PTCHD4: variants seen among roughly 807,000 people sequenced by gnomAD.
The protein encoded by PTCHD4 is patched domain-containing protein 4.
A neutral mutation model predicts 58.1 loss-of-function variants in PTCHD4; 33 were observed. The observed-to-expected ratio is 0.57, with a 90% confidence interval of 0.43 to 0.76. PTCHD4 has a LOEUF of 0.76. Among genes scored for constraint, PTCHD4 ranks in the 30% least tolerant of loss-of-function variants. The pLI is 0.00. For missense variants in PTCHD4, 1,058 were observed against 1,027.1 expected (o/e 1.03, Z -0.41); for synonymous variants, 478 against 409.6 (o/e 1.17, Z -2.02).
At position 48,089,572 on chromosome 6, in the gene PTCHD4, GT is replaced by G. The variant is rs367592485; in HGVS notation, c.-969-19647del. Among the ~76,000 whole-genome samples the G allele has an allele frequency of 3.3e-5, 5 of 152,246 alleles. No individual in the cohort carries two copies. In the East Asian group the frequency reaches 5.8e-4, roughly 18 times the overall value. The stretch of plus-strand genomic sequence containing the variant: ...TTTGAAAACTAATGTATAGATTATT[GT>G]TTTAATTTTAACCTTTATTGACCCG... On this transcript the variant is annotated intron_variant, in intron 1 of 4. Transcript: ENST00000339488.
chr6:47,884,090 G>A (rs1764106709), intron 4 of PTCHD4, among the ~76,000 whole-genome samples: 1 of 150,010 alleles, frequency 6.7e-6, no homozygotes, highest in Non-Finnish European at 1.5e-5. Context: ...GCTTATGTAT[G>A]TATGTGTGTG....
chr6:47,894,039 A>G (rs1764457411), intron 4 of PTCHD4, among the ~76,000 whole-genome samples: 1 of 152,234 alleles, frequency 6.6e-6, no homozygotes, highest in South Asian at 2.1e-4. Context: ...CAAACCATTC[A>G]CACTCAGGAG....
intron 4 of PTCHD4, among the ~76,000 whole-genome samples, chr6:47,962,985 C>T (rs987032488): frequency 3.3e-5 from 5 of 151,874 alleles, no homozygotes; most frequent in African/African-American, 9.7e-5. Context: ...CACGGTGAAA[C>T]TGCACCTCTC....
At chr6:47,916,360 A>T (rs899069153) in intron 4 of PTCHD4, among the ~76,000 whole-genome samples, 3 of 151,962 alleles carry the variant, frequency 2.0e-5, no homozygotes, top group African/African-American at 7.3e-5. Flanking sequence ...GGTACTGCTG[A>T]CCCTCTTTGA....
chr6:48,033,429 A>G (rs979005110), intron 3 of PTCHD4, among the ~76,000 whole-genome samples: 1 of 151,294 alleles, frequency 6.6e-6, no homozygotes, highest in Admixed American at 6.6e-5. Context: ...ATCTGCCTCC[A>G]TCCAAGTTCA....
intron 4 of PTCHD4, among the ~76,000 whole-genome samples, chr6:47,909,215 A>T (rs1016956695): frequency 6.6e-6 from 1 of 152,166 alleles, no homozygotes; most frequent in South Asian, 2.1e-4. Context: ...TACCAGAGAG[A>T]ATACACATCA....
At chr6:48,007,931 C>T (rs563713871) in intron 4 of PTCHD4, among the ~76,000 whole-genome samples, 380 of 36,744 alleles carry the variant, frequency 0.01, 3 homozygotes, top group African/African-American at 0.045. Flanking sequence ...AATATGTGCG[C>T]GCGCGCACAC....
In PTCHD4 at chr6:47,871,223, T is replaced by C. The variant is rs150935222; in HGVS notation, c.*7080A>G. 3.8e-4 allele frequency among the ~76,000 whole-genome samples: 58 copies of C among 151,750 alleles called. No individual in the cohort carries two copies. The highest frequency in any genetic ancestry group is 1.4e-3 in the African/African-American group (57 of 41,498). On this transcript the variant is annotated 3_prime_UTR_variant, in exon 5 of 5. Transcript: ENST00000339488. Reference sequence around the variant, plus strand: ...ATGTTTCCGTAAGTGACTTGTGTTTTAAAAACCCCGATTTAGCAGAAAATA... The same window carrying C: ...ATGTTTCCGTAAGTGACTTGTGTTTCAAAAACCCCGATTTAGCAGAAAATA...
At chr6:48,029,185 T>C (rs72869933) in intron 3 of PTCHD4, among the ~76,000 whole-genome samples, 112 of 152,254 alleles carry the variant, frequency 7.4e-4, no homozygotes, top group Non-Finnish European at 1.4e-3. Flanking sequence ...CATCAGATTC[T>C]TAACCTGAAC....
rs922133449 is a variant in PTCHD4 at position 47,859,089 on chromosome 6, G to A, written c.*19214C>T. On this transcript the variant is annotated 3_prime_UTR_variant, in exon 5 of 5. Transcript: ENST00000339488. ...GCATCAGATAATATATTTTATTCAC[G>A]CTTATGTCAGGGTAACTTTGTGTAT... Among the ~76,000 whole-genome samples the A allele has an allele frequency of 2.0e-5, 3 of 151,934 alleles. No individual in the cohort carries two copies. The highest frequency in any genetic ancestry group is 2.1e-4 in the South Asian group (1 of 4,824).
Position 48,099,225 on chromosome 6 carries a change from C to T in PTCHD4, c.-970+11824G>A, listed in dbSNP as rs117447691. Among the ~76,000 whole-genome samples the T allele has an allele frequency of 6.6e-5, 10 of 152,312 alleles. No homozygotes were observed. The East Asian group carries it at 1.5e-3, about 24-fold the overall frequency. ...TCCAAATAGTGGTCGCCAGCCTGCACAATTCCAGCCCTTAAAGGGATACCT... is the reference window on the plus strand; with the variant it reads ...TCCAAATAGTGGTCGCCAGCCTGCATAATTCCAGCCCTTAAAGGGATACCT... On this transcript the variant is annotated intron_variant, in intron 1 of 4. Coordinates refer to ENST00000339488, the MANE Select transcript of PTCHD4 (RefSeq NM_001384253.1).
chr6:47,929,744 G>T (rs1469765838), intron 4 of PTCHD4, among the ~76,000 whole-genome samples: 1 of 152,218 alleles, frequency 6.6e-6, no homozygotes, highest in African/African-American at 2.4e-5. Context: ...TCCACTGAGT[G>T]TGCAAAGTCT....
chr6:48,094,679 G>T (rs187042923), intron 1 of PTCHD4, among the ~76,000 whole-genome samples: 8 of 152,290 alleles, frequency 5.3e-5, no homozygotes, highest in African/African-American at 1.7e-4. Flanking sequence ...TACAATGAAA[G>T]AAATGTGACT....
rs1764180688 is a variant in PTCHD4, at chr6:47,886,025, C to T, written c.899-6089G>A. Reference sequence around the variant, plus strand: ...GTAGAGATGGGTTTTGCCACATTGGCCAGGCTGGTCTCAAACTCCCGACCT... The same window carrying T: ...GTAGAGATGGGTTTTGCCACATTGGTCAGGCTGGTCTCAAACTCCCGACCT... On this transcript the variant is annotated intron_variant, in intron 4 of 4. Coordinates refer to ENST00000339488, the MANE Select transcript of PTCHD4 (RefSeq NM_001384253.1). Among the ~76,000 whole-genome samples, 4 of 152,146 alleles carry T rather than the reference C, an allele frequency of 2.6e-5. 1 individual carries two copies. In the South Asian group the frequency reaches 8.3e-4, roughly 32 times the overall value.
At chr6:47,976,446 A>C (rs1767692350) in intron 4 of PTCHD4, among the ~76,000 whole-genome samples, 1 of 152,090 alleles carries the variant, frequency 6.6e-6, no homozygotes, top group South Asian at 2.1e-4. Flanking sequence ...TGAGGTCAGG[A>C]GTTCCAGACC....
In PTCHD4 at chr6:47,871,754, G is replaced by A. The variant is rs1241028019; in HGVS notation, c.*6549C>T. Among the ~76,000 whole-genome samples, 1 of 151,624 alleles carries A rather than the reference G, an allele frequency of 6.6e-6. No homozygotes were observed. The highest frequency in any genetic ancestry group is 2.4e-5 in the African/African-American group (1 of 41,376). On this transcript the variant is annotated 3_prime_UTR_variant, in exon 5 of 5. Transcript: ENST00000339488. ...AAATACCCTTATGAGGTAGCTTGGA[G>A]AGATCTCTGCCCTTTTCAATCTGTG... is the stretch of plus-strand genomic sequence containing the variant.
chr6:47,956,600 A>AT (rs751376736), intron 4 of PTCHD4, among the ~76,000 whole-genome samples: 20 of 151,858 alleles, frequency 1.3e-4, no homozygotes, highest in Non-Finnish European at 2.8e-4. Flanking sequence ...CGCCCGGCTA[A>AT]TTTTTTGTAT....
rs117839114 is a variant in PTCHD4, at chr6:48,057,312, A to G, written c.417+10918T>C. ...CCAGAGCTTGGACAAATCATAGGAT[A>G]TCAGACTGACTGGAATGGGCTTTGG... On this transcript the variant is annotated intron_variant, in intron 3 of 4. Coordinates refer to ENST00000339488, the MANE Select transcript of PTCHD4 (RefSeq NM_001384253.1). 7.9e-5 allele frequency among the ~76,000 whole-genome samples: 12 copies of G among 152,262 alleles called. No homozygotes were observed. The East Asian group carries it at 2.3e-3, about 29-fold the overall frequency.
chr6:47,965,717 A>G (rs1767259752), intron 4 of PTCHD4, among the ~76,000 whole-genome samples: 2 of 152,210 alleles, frequency 1.3e-5, no homozygotes, highest in South Asian at 4.1e-4. Context: ...TCACGAGGTC[A>G]GGAAATCGAG....
Sources: allele counts gnomAD v4.1 joint callset (sites outside exome capture counted in the v4.1 genomes callset), GRCh38; gene constraint gnomAD v4.1.1; transcripts MANE v1.5; gene names NCBI Gene and HGNC (gene_info 2026-07-23, HGNC 2026-07-21).